RFX3: variants seen among roughly 807,000 people sequenced by gnomAD.
The protein encoded by RFX3 is transcription factor RFX3.
Under a neutral mutation model 98.6 loss-of-function variants are expected in RFX3, and 14 were observed. That is an observed-to-expected ratio of 0.14 (90% confidence interval 0.09 to 0.22). The LOEUF (loss-of-function observed/expected upper bound fraction) is 0.22, where lower values mean the gene tolerates loss of function less well. RFX3 is among the 10% of genes least tolerant of loss of function. The pLI is 1.00. For synonymous variants in RFX3, 383 were observed against 328.4 expected (o/e 1.17, Z -1.80); for missense variants, 639 against 926.9 (o/e 0.69, Z 4.03).
intron 2 of RFX3, chr9:3,364,720 G>A (rs1269986583): frequency 6.4e-6 from 1 of 155,956 alleles, no homozygotes; most frequent in African/African-American, 2.4e-5. Context: ...TGAAATATAT[G>A]GTTCTACAAT....
At chr9:3,416,607 C>T (rs1843007241) in intron 1 of RFX3, among the ~76,000 whole-genome samples, 1 of 152,176 alleles carries the variant, frequency 6.6e-6, no homozygotes, top group East Asian at 1.9e-4. Context: ...GTCCCTGGTG[C>T]TGTTGAGAAT....
intron 13 of RFX3, among the ~76,000 whole-genome samples, chr9:3,262,336 T>C (rs1823019249): frequency 6.6e-6 from 1 of 152,174 alleles, no homozygotes; most frequent in Admixed American, 6.6e-5. Flanking sequence ...GTGGGTAATG[T>C]GATCACAAGG....
chr9:3,391,356 G>T (rs1416560926), intron 2 of RFX3, among the ~76,000 whole-genome samples: 2 of 152,034 alleles, frequency 1.3e-5, no homozygotes, highest in Admixed American at 1.3e-4. Flanking sequence ...CGACAAAGAA[G>T]AAAAACATGC....
chr9:3,500,842 C>A (rs1439325715), intron 1 of RFX3, among the ~76,000 whole-genome samples: 31 of 152,094 alleles, frequency 2.0e-4, no homozygotes, highest in Non-Finnish European at 1.5e-5. Flanking sequence ...AATACTTAGT[C>A]AATTATTAGT....
intron 1 of RFX3, among the ~76,000 whole-genome samples, chr9:3,421,571 A>G (rs754174243): frequency 1.3e-5 from 2 of 152,246 alleles, no homozygotes; most frequent in Admixed American, 6.5e-5. Flanking sequence ...ATAGCAGAAG[A>G]TGAAAACTCT....
intron 3 of RFX3, among the ~76,000 whole-genome samples, chr9:3,343,200 G>A (rs2131100399): frequency 6.6e-6 from 1 of 152,288 alleles, no homozygotes; most frequent in Non-Finnish European, 1.5e-5. Context: ...ATGGCTACAT[G>A]ACATGGGGAC....
At chr9:3,338,741 A>T (rs1267787401) in intron 3 of RFX3, among the ~76,000 whole-genome samples, 1 of 152,138 alleles carries the variant, frequency 6.6e-6, no homozygotes, top group African/African-American at 2.4e-5. Flanking sequence ...GTACTAGTTG[A>T]TACTACAATT....
chr9:3,394,610 T>C (rs768680248), intron 2 of RFX3, among the ~76,000 whole-genome samples: 1 of 152,216 alleles, frequency 6.6e-6, no homozygotes, highest in Non-Finnish European at 1.5e-5. Context: ...CTATCAATTA[T>C]AAAAATGTCC....
intron 7 of RFX3, among the ~76,000 whole-genome samples, chr9:3,280,121 G>A (rs537621117): frequency 1.3e-3 from 196 of 151,960 alleles, no homozygotes; most frequent in Non-Finnish European, 2.2e-3. Flanking sequence ...AAGATGGACA[G>A]AGATTGAGCA....
intron 15 of RFX3, chr9:3,247,517 G>A (rs983496675): frequency 1.2e-6 from 1 of 833,364 alleles, no homozygotes; most frequent in Non-Finnish European, 1.5e-6. Flanking sequence ...TGCATTAAGT[G>A]CTTTATTACA....
intron 1 of RFX3, among the ~76,000 whole-genome samples, chr9:3,496,133 G>A (rs146945405): frequency 6.6e-6 from 1 of 151,992 alleles, no homozygotes; most frequent in South Asian, 2.1e-4. Context: ...AGTCACTTCT[G>A]CTCATACAGA....
chr9:3,313,729 C>T (rs960046227), intron 4 of RFX3, among the ~76,000 whole-genome samples: 170 of 152,148 alleles, frequency 1.1e-3, no homozygotes, highest in African/African-American at 4.0e-3. Context: ...GAAGGATGCA[C>T]AAGCTTCAGT....
At chr9:3,322,861 T>A (rs1831469128) in intron 4 of RFX3, among the ~76,000 whole-genome samples, 1 of 152,220 alleles carries the variant, frequency 6.6e-6, no homozygotes, top group African/African-American at 2.4e-5. Flanking sequence ...CCTCTTTACC[T>A]CCCTTTGAAT....
intron 3 of RFX3, among the ~76,000 whole-genome samples, chr9:3,342,610 G>A (rs1834012768): frequency 6.6e-6 from 1 of 151,904 alleles, no homozygotes; most frequent in African/African-American, 2.4e-5. Flanking sequence ...CATGATGTAG[G>A]AGCGAGTGGG....
At chr9:3,284,293 C>T (rs1204897219) in intron 7 of RFX3, among the ~76,000 whole-genome samples, 4 of 151,624 alleles carry the variant, frequency 2.6e-5, no homozygotes, top group Non-Finnish European at 5.9e-5. Flanking sequence ...GCAGCAAATA[C>T]TGTTACTTAG....
At chr9:3,476,435 A>C (rs1272909883) in intron 1 of RFX3, among the ~76,000 whole-genome samples, 1 of 152,104 alleles carries the variant, frequency 6.6e-6, no homozygotes, top group Non-Finnish European at 1.5e-5. Flanking sequence ...CATTGATGCA[A>C]AGTTTAGTAT....
intron 1 of RFX3, among the ~76,000 whole-genome samples, chr9:3,413,165 T>G (rs989071398): frequency 6.6e-6 from 1 of 151,992 alleles, no homozygotes; most frequent in African/African-American, 2.4e-5. Flanking sequence ...CTAAGGATAC[T>G]AGTCCCAGCT....
chr9:3,453,918 G>GT (rs1846910528), intron 1 of RFX3, among the ~76,000 whole-genome samples: 1 of 152,000 alleles, frequency 6.6e-6, no homozygotes, highest in African/African-American at 2.4e-5. Flanking sequence ...TTAGTTCACT[G>GT]TAAAAAAAGA....
Position 3,219,530 on chromosome 9 carries a change from C to CT in RFX3, c.*5511dup, listed in dbSNP as rs1246718783. On this transcript the variant is annotated 3_prime_UTR_variant, in exon 17 of 17. Coordinates refer to ENST00000617270, the MANE Select transcript of RFX3 (RefSeq NM_001282116.2). ...AAAAGAAGAGACAAAACACATTTTT[C>CT]TTTTTAAAAAAACATATTATCAATT... is the stretch of plus-strand genomic sequence containing the variant. 1 of 151,054 alleles carries CT rather than the reference C, an allele frequency of 6.6e-6. No homozygotes were observed. Among genetic ancestry groups the CT allele is most frequent in the Non-Finnish European group, 1.5e-5 (1 of 67,776 alleles). The allele number at this position is 151,054 out of a possible 1,614,324, so 9.4% of individuals were successfully genotyped here.
Sources: gnomAD v4.1 joint callset for allele counts (sites outside exome capture counted in the v4.1 genomes callset) on GRCh38, gnomAD v4.1.1 for gene constraint, MANE v1.5 for transcripts, NCBI Gene and HGNC (gene_info 2026-07-23, HGNC 2026-07-21) for gene names.